Variants in HHLA2 observed in about 807,000 individuals in gnomAD.
HHLA2 encodes HHLA2 member of B7 family, also known as HERV-H LTR-associating protein 2.
A neutral mutation model predicts 45.9 loss-of-function variants in HHLA2; 48 were observed. The ratio of observed to expected loss-of-function variants is 1.05; its 90% CI spans 0.83 to 1.33. The LOEUF is 1.33. Among genes scored for constraint, HHLA2 ranks in the 40% most tolerant of loss-of-function variants. HHLA2 has a pLI of 0.00. For synonymous variants in HHLA2, 161 were observed against 173.9 expected, an observed-to-expected ratio of 0.93 and a Z score of 0.59; for missense variants, 462 against 494.3, an observed-to-expected ratio of 0.93 and a Z score of 0.62.
At chr3:108,334,363 A>G (rs1025193131) in intron 3 of HHLA2, among the ~76,000 whole-genome samples, 1 of 152,218 alleles carries the variant, frequency 6.6e-6, no homozygotes, top group African/African-American at 2.4e-5. Flanking sequence ...TGCTGTATCA[A>G]TGCTGAGAAA....
chr3:108,328,363 T>C (rs1576124533), intron 3 of HHLA2: 1 of 1,498,464 alleles, frequency 6.7e-7, no homozygotes. Context: ...TAGGGAGATA[T>C]ACAATGAGGT....
At chr3:108,303,885 A>T (rs2080887065) in intron 1 of HHLA2, among the ~76,000 whole-genome samples, 1 of 152,096 alleles carries the variant, frequency 6.6e-6, no homozygotes, top group South Asian at 2.1e-4. Flanking sequence ...ACCACCTCAC[A>T]GCAGGTGACT....
chr3:108,375,717 C>G, intron 8 of HHLA2, 33 bp from the exon 8 acceptor site: 2 of 1,603,776 alleles, frequency 1.2e-6, no homozygotes, highest in Non-Finnish European at 1.7e-6. Context: ...GAGTAAATAC[C>G]TAATTTCACT....
At chr3:108,360,628 G>A (rs1014524166) in intron 7 of HHLA2, among the ~76,000 whole-genome samples, 4 of 152,200 alleles carry the variant, frequency 2.6e-5, no homozygotes, top group Non-Finnish European at 4.4e-5. Context: ...TGTGTACAAC[G>A]TGGATATGCC....
At chr3:108,370,626 C>T (rs1385905827) in intron 8 of HHLA2, among the ~76,000 whole-genome samples, 2 of 152,074 alleles carry the variant, frequency 1.3e-5, no homozygotes, top group Non-Finnish European at 2.9e-5. Context: ...GCAGAGCAGT[C>T]CTTAAAGGAC....
chr3:108,319,046 T>C (rs943530852), intron 2 of HHLA2, among the ~76,000 whole-genome samples: 1 of 152,162 alleles, frequency 6.6e-6, no homozygotes, highest in Non-Finnish European at 1.5e-5. Flanking sequence ...CTATGCTCTT[T>C]CTCTGTTCCT....
chr3:108,297,399 G>A (rs1249536115), intron 1 of HHLA2, among the ~76,000 whole-genome samples: 1 of 152,154 alleles, frequency 6.6e-6, no homozygotes, highest in Non-Finnish European at 1.5e-5. Flanking sequence ...ATGCAATAAA[G>A]TGTAGTGGTC....
intron 2 of HHLA2, among the ~76,000 whole-genome samples, chr3:108,312,457 C>T (rs958939530): frequency 6.6e-6 from 1 of 152,202 alleles, no homozygotes; most frequent in Non-Finnish European, 1.5e-5. Flanking sequence ...TAGGCAGGTG[C>T]ACCCAAACTC....
At chr3:108,298,234 G>A (rs2080794708) in intron 1 of HHLA2, among the ~76,000 whole-genome samples, 2 of 152,150 alleles carry the variant, frequency 1.3e-5, no homozygotes, top group African/African-American at 4.8e-5. Context: ...CTAGCTATTA[G>A]GTATTCCCTA....
At chr3:108,306,814 T>TA (rs1244647400) in intron 1 of HHLA2, among the ~76,000 whole-genome samples, 33 of 151,896 alleles carry the variant, frequency 2.2e-4, no homozygotes, top group African/African-American at 8.0e-4. Context: ...ATATATATAT[T>TA]TTTCTATTTT....
At chr3:108,296,581 G>C (rs1229212050) in exon 1 of HHLA2, 1 of 152,164 alleles carries the variant, frequency 6.6e-6, no homozygotes, top group Admixed American at 6.5e-5. Context: ...TGACTAGACG[G>C]TATGAATTTC....
intron 3 of HHLA2, among the ~76,000 whole-genome samples, chr3:108,351,304 C>G (rs1041980006): frequency 6.6e-6 from 1 of 152,158 alleles, no homozygotes; most frequent in Non-Finnish European, 1.5e-5. Context: ...ATAGTTTACA[C>G]CACTGGCACT....
At chr3:108,354,274 C>A (rs527324227) in intron 5 of HHLA2, among the ~76,000 whole-genome samples, 4 of 151,872 alleles carry the variant, frequency 2.6e-5, no homozygotes. Context: ...ACCTATATAA[C>A]TATAAGCCAT....
At chr3:108,356,515 C>A (rs1296809123) in intron 6 of HHLA2, among the ~76,000 whole-genome samples, 4 of 152,278 alleles carry the variant, frequency 2.6e-5, no homozygotes, top group African/African-American at 9.6e-5. Context: ...GTGTTAAAGG[C>A]ATGAGTACCC....
intron 1 of HHLA2, among the ~76,000 whole-genome samples, chr3:108,304,692 T>C (rs2080901164): frequency 6.6e-6 from 1 of 152,226 alleles, no homozygotes; most frequent in African/African-American, 2.4e-5. Context: ...CTACTGTGTC[T>C]GAGAGTGGGC....
chr3:108,323,986 T>C (rs545058676), intron 2 of HHLA2, among the ~76,000 whole-genome samples: 1 of 152,340 alleles, frequency 6.6e-6, no homozygotes, highest in East Asian at 1.9e-4. Flanking sequence ...TTAGCAGTGA[T>C]TTACAATTTT....
At chr3:108,350,941 T>A (rs1176624784) in intron 3 of HHLA2, among the ~76,000 whole-genome samples, 7 of 152,200 alleles carry the variant, frequency 4.6e-5, no homozygotes, top group African/African-American at 1.7e-4. Flanking sequence ...TGCCTTGGCC[T>A]CCCAAAGTGC....
chr3:108,355,177 G>T, exon 6 of HHLA2: 1 of 1,613,642 alleles, frequency 6.2e-7, no homozygotes, highest in Non-Finnish European at 8.5e-7. Flanking sequence ...AATATGCAGC[G>T]TGTTAAGTGT....
chr3:108,342,919 G>T (rs1165236038), intron 3 of HHLA2, among the ~76,000 whole-genome samples: 1 of 152,092 alleles, frequency 6.6e-6, no homozygotes, highest in Non-Finnish European at 1.5e-5. Flanking sequence ...CACAGCACCT[G>T]GTGGGAGCCC....
Sources: gnomAD v4.1 joint callset for allele counts (sites outside exome capture counted in the v4.1 genomes callset) on GRCh38, gnomAD v4.1.1 for gene constraint, MANE v1.5 for transcripts, NCBI Gene and HGNC (gene_info 2026-07-23, HGNC 2026-07-21) for gene names.